The following MSANTD5 variants were observed in gnomAD, a reference collection of about 807,000 sequenced individuals.
MSANTD5 encodes the protein Myb/SANT DNA binding domain containing 5.
upstream of MSANTD5, among the ~76,000 whole-genome samples, chr5:178,698,274 A>G (rs1765440559): frequency 6.6e-6 from 1 of 152,174 alleles, no homozygotes; most frequent in Non-Finnish European, 1.5e-5. Flanking sequence ...TGAGATTTAC[A>G]TATACAGAAA....
chr5:178,701,213 G>A (rs865860556), upstream of MSANTD5, among the ~76,000 whole-genome samples: 2 of 152,026 alleles, frequency 1.3e-5, no homozygotes, highest in African/African-American at 4.8e-5. Context: ...TCTTGACCTC[G>A]TGATCTGCCC....
chr5:178,693,891 C>T (rs1319936734), downstream of MSANTD5, among the ~76,000 whole-genome samples: 4 of 152,028 alleles, frequency 2.6e-5, no homozygotes, highest in Non-Finnish European at 4.4e-5. Context: ...TCAATGAGAC[C>T]ACCCACAAAT....
downstream of MSANTD5, among the ~76,000 whole-genome samples, chr5:178,693,142 T>C (rs1765373910): frequency 6.6e-6 from 1 of 151,820 alleles, no homozygotes; most frequent in Non-Finnish European, 1.5e-5. Context: ...AAACCCCGTC[T>C]CTACTAAAAA....
chr5:178,697,393 G>A (rs1002174639), intron 1 of MSANTD5, among the ~76,000 whole-genome samples, 193 bp downstream of exon 1: 3 of 152,180 alleles, frequency 2.0e-5, no homozygotes, highest in Non-Finnish European at 4.4e-5. Flanking sequence ...GGCGGAGGTT[G>A]CAGTGAGCCG....
At chr5:178,703,312 C>G in the MSANTD5 span, among the ~76,000 whole-genome samples, 1 of 152,164 alleles carries the variant, frequency 6.6e-6, no homozygotes, top group Admixed American at 6.5e-5. Context: ...CAGTGTGATG[C>G]GCTTGGCTTG....
At chr5:178,702,994 C>T in the MSANTD5 span, among the ~76,000 whole-genome samples, 1 of 152,168 alleles carries the variant, frequency 6.6e-6, no homozygotes, top group Admixed American at 6.5e-5. Flanking sequence ...ACACACAGGG[C>T]GATTCCACTG....
chr5:178,692,860 G>A (rs369407416), downstream of MSANTD5, among the ~76,000 whole-genome samples: 17 of 151,992 alleles, frequency 1.1e-4, no homozygotes, highest in East Asian at 2.1e-3. Flanking sequence ...TGACTGTATC[G>A]ATGTCAATAT....
the MSANTD5 span, among the ~76,000 whole-genome samples, chr5:178,706,034 T>C: frequency 6.6e-6 from 1 of 152,204 alleles, no homozygotes; most frequent in African/African-American, 2.4e-5. Flanking sequence ...TCGACCTCAC[T>C]GAGTTTCCAG....
chr5:178,702,783 G>A, the MSANTD5 span, among the ~76,000 whole-genome samples: 1 of 151,578 alleles, frequency 6.6e-6, no homozygotes. Flanking sequence ...TTTTTTAGTA[G>A]AGATGGGGTT....
the MSANTD5 span, chr5:178,707,115 C>T: frequency 6.6e-6 from 1 of 152,254 alleles, no homozygotes; most frequent in African/African-American, 2.4e-5. Context: ...GGGGTGACTA[C>T]TTCCAAGCCG....
chr5:178,705,297 C>T, the MSANTD5 span, among the ~76,000 whole-genome samples: 3 of 152,012 alleles, frequency 2.0e-5, no homozygotes, highest in Admixed American at 1.3e-4. Flanking sequence ...CTGCCCGCCT[C>T]GGTCTCCCAA....
the MSANTD5 span, among the ~76,000 whole-genome samples, chr5:178,705,577 T>C: frequency 6.6e-6 from 1 of 152,322 alleles, no homozygotes; most frequent in African/African-American, 2.4e-5. Context: ...AGGGTTTGAT[T>C]GGATACCTGG....
downstream of MSANTD5, among the ~76,000 whole-genome samples, chr5:178,693,950 T>C (rs1383091400): frequency 6.6e-6 from 1 of 152,014 alleles, no homozygotes; most frequent in African/African-American, 2.4e-5. Context: ...TGTGTTTTTA[T>C]CCAAAAACTA....
downstream of MSANTD5, among the ~76,000 whole-genome samples, chr5:178,694,407 C>G (rs1249501052): frequency 6.6e-6 from 1 of 151,906 alleles, no homozygotes; most frequent in Non-Finnish European, 1.5e-5. Flanking sequence ...AAAAGTTATC[C>G]CTTACTACAA....
chr5:178,706,747 A>G, the MSANTD5 span, among the ~76,000 whole-genome samples: 1 of 151,730 alleles, frequency 6.6e-6, no homozygotes, highest in African/African-American at 2.4e-5. Context: ...CTCTGGGTGT[A>G]TTTCACAATG....
chr5:178,707,435 C>A, the MSANTD5 span, among the ~76,000 whole-genome samples: 1 of 151,632 alleles, frequency 6.6e-6, no homozygotes, highest in Non-Finnish European at 1.5e-5. Flanking sequence ...GTTTGCACTT[C>A]TGGCGGGGCG....
the MSANTD5 span, among the ~76,000 whole-genome samples, chr5:178,705,451 C>T: frequency 6.6e-6 from 1 of 151,870 alleles, no homozygotes; most frequent in African/African-American, 2.4e-5. Flanking sequence ...CGTGTCTTCC[C>T]CTGCAAAAAA....
At chr5:178,693,597 CAAAG>C (rs1022393025), downstream of MSANTD5, among the ~76,000 whole-genome samples, 20 of 152,012 alleles carry the variant, frequency 1.3e-4, no homozygotes, top group African/African-American at 4.6e-4. Context: ...TTGTGAAGAG[CAAAG>C]AAAGAACAAA....
upstream of MSANTD5, among the ~76,000 whole-genome samples, chr5:178,702,318 T>TG (rs35351180): frequency 9.7e-4 from 144 of 148,500 alleles, no homozygotes; most frequent in African/African-American, 3.4e-3. Context: ...TTTTTTTTTT[T>TG]GACATGGAGT....
Sources: allele counts gnomAD v4.1 joint callset (sites outside exome capture counted in the v4.1 genomes callset), GRCh38; gene constraint gnomAD v4.1.1; transcripts MANE v1.5; gene names NCBI Gene and HGNC (gene_info 2026-07-23, HGNC 2026-07-21).